POTEF: variants seen among roughly 807,000 people sequenced by gnomAD.
POTEF encodes ANKRD26-like family C member 1B.
Under a neutral mutation model 83.2 loss-of-function variants are expected in POTEF, and 20 were observed. The observed-to-expected ratio is 0.24, with a 90% CI of 0.17 to 0.35. The LOEUF (loss-of-function observed/expected upper bound fraction) is 0.35. POTEF is among the 10% of genes least tolerant of loss of function. POTEF has a pLI of 1.00. For missense variants in POTEF, 550 were observed against 1,203.2 expected (o/e 0.46, Z 8.03); for synonymous variants, 196 against 446.4 (o/e 0.44, Z 7.07).
intron 2 of POTEF, among the ~76,000 whole-genome samples, chr2:130,126,470 T>C (rs1369339380): frequency 6.6e-6 from 1 of 152,056 alleles, no homozygotes; most frequent in Non-Finnish European, 1.5e-5. Context: ...CCAATATTTT[T>C]ATGTGATGCT....
At chr2:130,076,694 A>C (rs1377671393) in intron 16 of POTEF, among the ~76,000 whole-genome samples, 1 of 147,088 alleles carries the variant, frequency 6.8e-6, no homozygotes, top group Non-Finnish European at 1.5e-5. Flanking sequence ...CCAGCTATAC[A>C]TTTCCTACTT....
chr2:130,101,364 G>A (rs1287544384), intron 9 of POTEF, among the ~76,000 whole-genome samples: 1 of 148,022 alleles, frequency 6.8e-6, no homozygotes, highest in African/African-American at 2.7e-5. Flanking sequence ...TAATTACAGT[G>A]GATAAAGATT....
chr2:130,116,126 AC>A (rs1684837811), intron 3 of POTEF, among the ~76,000 whole-genome samples: 2 of 152,054 alleles, frequency 1.3e-5, no homozygotes, highest in African/African-American at 4.8e-5. Flanking sequence ...GAAAACAAAA[AC>A]AAATTTCTAA....
Position 130,117,755 on chromosome 2 carries a change from G to C in POTEF, c.521+2240C>G, listed in dbSNP as rs189600471. 5.2e-4 allele frequency among the ~76,000 whole-genome samples: 79 copies of C among 151,804 alleles called. 3 individuals carry two copies. The highest frequency in any genetic ancestry group is 1.6e-3 in the African/African-American group (64 of 41,210). Reference sequence around the variant, plus strand: ...TACTAAGAAAAACAGACCTCTATTTGGTAAAGATATTTCAGTATAATGGAA... The same window carrying C: ...TACTAAGAAAAACAGACCTCTATTTCGTAAAGATATTTCAGTATAATGGAA... On this transcript the variant is annotated intron_variant, in intron 3 of 16. Coordinates refer to ENST00000409914, the MANE Select transcript of POTEF (RefSeq NM_001099771.2).
intron 2 of POTEF, among the ~76,000 whole-genome samples, chr2:130,121,098 A>C (rs1179972647): frequency 6.6e-6 from 1 of 151,696 alleles, no homozygotes; most frequent in African/African-American, 2.4e-5. Flanking sequence ...AAGCCAGCCA[A>C]GCTGCTGCCG....
At chr2:130,122,626 A>G (rs1215114893) in intron 2 of POTEF, among the ~76,000 whole-genome samples, 1 of 151,316 alleles carries the variant, frequency 6.6e-6, no homozygotes, top group East Asian at 1.9e-4. Flanking sequence ...GAATGCTTTG[A>G]GTAGCATTGA....
At chr2:130,117,219 TA>T (rs1558894763) in intron 3 of POTEF, among the ~76,000 whole-genome samples, 1 of 151,872 alleles carries the variant, frequency 6.6e-6, no homozygotes, top group African/African-American at 2.4e-5. Context: ...GATAATTATG[TA>T]ATAAAATGTA....
intron 7 of POTEF, chr2:130,109,634 A>C (rs1573609526): frequency 1.3e-5 from 2 of 151,118 alleles, no homozygotes; most frequent in African/African-American, 2.5e-5. Context: ...AAGAGGAAAC[A>C]GACACTGACC....
intron 2 of POTEF, among the ~76,000 whole-genome samples, chr2:130,127,104 G>T (rs1329960656): frequency 2.0e-5 from 3 of 151,736 alleles, no homozygotes; most frequent in Admixed American, 2.0e-4. Context: ...GGTGGATCAT[G>T]AGGTCAGGTG....
chr2:130,107,017 C>G (rs1684554138), intron 8 of POTEF, among the ~76,000 whole-genome samples: 1 of 149,736 alleles, frequency 6.7e-6, no homozygotes, highest in South Asian at 2.1e-4. Flanking sequence ...TACAAAAGCT[C>G]TTTGATAAAT....
Position 130,120,320 on chromosome 2 carries a change from G to A in POTEF, c.196C>T (p.Arg66Cys), listed in dbSNP as rs375216280. 1.1e-4 allele frequency: 169 copies of A among 1,589,434 alleles called. No individual in the cohort carries two copies. The highest frequency in any genetic ancestry group is 3.4e-4 in the East Asian group (15 of 44,222). The stretch of plus-strand genomic sequence containing the variant: ...CCCCTGCAGCAGGGGAAGCAGTGGC[G>A]GCACCACTTGCCCATCTTGCTCCTG... ...TLRSKMGKWCRHCFPCCRGSG... is the reference protein window; with the variant it reads ...TLRSKMGKWCCHCFPCCRGSG... Residue 66 changes from arginine (R) to cysteine (C), a missense_variant, in exon 3 of 17, where the codon CGC becomes TGC. Physicochemically the swap from Arg to Cys is radical, Grantham distance 180. Transcript: ENST00000409914.
intron 2 of POTEF, among the ~76,000 whole-genome samples, chr2:130,127,326 A>G (rs1287060738): frequency 2.4e-5 from 3 of 123,914 alleles, no homozygotes; most frequent in Non-Finnish European, 4.9e-5. Flanking sequence ...CTCTGTCTCA[A>G]AAAAAAAAAA....
chr2:130,076,035 A>C (rs1683794478), intron 16 of POTEF, among the ~76,000 whole-genome samples: 1 of 115,716 alleles, frequency 8.6e-6, no homozygotes, highest in African/African-American at 3.3e-5. Flanking sequence ...ATTTGGACAG[A>C]AGCAATTTCT....
intron 6 of POTEF, 57 bp downstream of exon 6, chr2:130,111,936 TTA>T (rs1283173965): frequency 5.3e-6 from 8 of 1,504,900 alleles, no homozygotes; most frequent in Middle Eastern, 2.5e-4. Context: ...AATTTAATAT[TTA>T]TGACTTGAGT....
chr2:130,120,506 C>T lies in POTEF; in HGVS notation c.10G>A (p.Glu4Lys). Residue 4 changes from glutamate to lysine, a missense_variant, in exon 3 of 17, where the codon GAG (glutamate) becomes AAG (lysine). Transcript: ENST00000409914. MVV[E>K]VDSMPAASSV... ...GAGGCAGCCGGCATGGAATCAACCT[C>T]AACCACCATCTGCTTTTAACAGCCA... 6.2e-7 allele frequency: 1 copy of T among 1,612,990 alleles called. No homozygotes were observed. The highest frequency in any genetic ancestry group is 8.5e-7 in the Non-Finnish European group (1 of 1,179,832).
chr2:130,086,403 CAGA>C lies in POTEF; in HGVS notation c.1552-19_1552-17del. 1 of 1,588,812 alleles carries C rather than the reference CAGA, an allele frequency of 6.3e-7. No homozygotes were observed. Among genetic ancestry groups the C allele is most frequent in the South Asian group, 1.1e-5 (1 of 87,106 alleles). On this transcript the variant is annotated splice_polypyrimidine_tract_variant and intron_variant, in intron 13 of 16. Transcript: ENST00000409914. Reference sequence around the variant, plus strand: ...GAGATCTTTTCTGCAGATGTAAAAACAGAAGGTTAATTTGCTTGTTGTATTTCT... The same window carrying C: ...GAGATCTTTTCTGCAGATGTAAAAACAGGTTAATTTGCTTGTTGTATTTCT...
chr2:130,095,050 T>A (rs374883022), intron 11 of POTEF, among the ~76,000 whole-genome samples: 1 of 43,310 alleles, frequency 2.3e-5, no homozygotes, highest in Admixed American at 3.9e-4. Flanking sequence ...TTTTTTGAGA[T>A]GGAGTCTTGC....
intron 12 of POTEF, among the ~76,000 whole-genome samples, chr2:130,093,090 G>C (rs1231512107): frequency 2.8e-5 from 4 of 144,944 alleles, no homozygotes; most frequent in Non-Finnish European, 4.5e-5. Flanking sequence ...ACCCTGTTGT[G>C]AACTGCCCAT....
Position 130,108,156 on chromosome 2 carries a change from A to G in POTEF, c.1056-77T>C. Reference sequence around the variant, plus strand: ...AAAACTTACCAAATGTAGAATTATTAAGAGTATTTCAAACAATATCAGAAT... The same window carrying G: ...AAAACTTACCAAATGTAGAATTATTGAGAGTATTTCAAACAATATCAGAAT... On this transcript the variant is annotated intron_variant, in intron 7 of 16. Coordinates refer to ENST00000409914, the MANE Select transcript of POTEF (RefSeq NM_001099771.2). The G allele has an allele frequency of 2.0e-6, 3 of 1,499,604 alleles. No homozygotes were observed. In the South Asian group the frequency reaches 3.7e-5, roughly 19 times the overall value. 92.9% of individuals were successfully genotyped at this position (1,499,604 alleles called of 1,614,324 possible).
Sources: allele counts gnomAD v4.1 joint callset (sites outside exome capture counted in the v4.1 genomes callset), GRCh38; gene constraint gnomAD v4.1.1; transcripts MANE v1.5; gene names NCBI Gene and HGNC (gene_info 2026-07-23, HGNC 2026-07-21).